Variants in FAM193B observed in about 807,000 individuals in gnomAD.
The protein encoded by FAM193B is family with sequence similarity 193 member B, also known as protein FAM193B.
A neutral mutation model predicts 70.7 loss-of-function variants in FAM193B; 27 were observed. The ratio of observed to expected loss-of-function variants is 0.38; its 90% CI spans 0.28 to 0.53. The LOEUF is 0.53. Among genes scored for constraint, FAM193B ranks in the 20% least tolerant of loss-of-function variants. The pLI is 0.81. For synonymous variants in FAM193B, 448 were observed against 436.0 expected (o/e 1.03, Z -0.34); for missense variants, 1,022 against 1,072.5 (o/e 0.95, Z 0.66).
In FAM193B at chr5:177,538,030, T is replaced by G. The variant is rs561929928; in HGVS notation, c.531A>C (p.Ser177=). 3 of 1,554,262 alleles carry G rather than the reference T, an allele frequency of 1.9e-6. No homozygotes were observed. The highest frequency in any genetic ancestry group is 2.6e-6 in the Non-Finnish European group (3 of 1,148,372). The change falls in exon 3 of 9, where the codon TCA becomes TCC. Residue 177 remains serine, a synonymous_variant. Coordinates refer to ENST00000514747, the MANE Select transcript of FAM193B (RefSeq NM_001190946.3). The surrounding 1 kb of genome is among the most constrained non-coding windows in gnomAD (Gnocchi z 4.1). ...DSHSSSSSSS[S]SSSSSSSSCP... ...AGGAAGAGGAGGACGAGGATGAGGATGATGAGGAGGAAGACGAGGACGAAT... is the reference window on the plus strand; with the variant it reads ...AGGAAGAGGAGGACGAGGATGAGGAGGATGAGGAGGAAGACGAGGACGAAT...
Position 177,524,550 on chromosome 5 carries a change from G to C in FAM193B, c.1931C>G (p.Ala644Gly). Reference protein sequence around the residue: ...PQKGKRQGSQAKKSEASPAPR... With the variant: ...PQKGKRQGSQGKKSEASPAPR... ...GGCTGGGCTTGCCTCGCTCTTCTTGGCCTGACTGCCCTGCCTCTTGCCCTT... is the reference window on the plus strand; with the variant it reads ...GGCTGGGCTTGCCTCGCTCTTCTTGCCCTGACTGCCCTGCCTCTTGCCCTT... The change falls in exon 6 of 9, where the codon GCC (alanine) becomes GGC (glycine). Residue 644 changes from alanine (A) to glycine (G), a missense_variant. By Grantham distance (60) the Ala-to-Gly change is moderately conservative (BLOSUM62 0). Transcript: ENST00000514747. 6.2e-7 allele frequency: 1 copy of C among 1,611,044 alleles called. No homozygotes were observed. The highest frequency in any genetic ancestry group is 8.5e-7 in the Non-Finnish European group (1 of 1,178,726).
chr5:177,554,105 G>A (rs1164165589), intron 1 of FAM193B, 144 bp downstream of exon 1: 8 of 1,399,090 alleles, frequency 5.7e-6, no homozygotes, highest in Non-Finnish European at 7.5e-6. Flanking sequence ...CGCCCCGGGG[G>A]AGAAAGCTTC....
At chr5:177,552,357 G>C (rs1027801067) in intron 1 of FAM193B, among the ~76,000 whole-genome samples, 4 of 152,216 alleles carry the variant, frequency 2.6e-5, no homozygotes, top group Non-Finnish European at 5.9e-5. Context: ...TAAAGTGCCT[G>C]GCACAAATAA....
chr5:177,543,842 T>A (rs958870074), intron 1 of FAM193B, among the ~76,000 whole-genome samples: 2 of 152,264 alleles, frequency 1.3e-5, no homozygotes, highest in African/African-American at 4.8e-5. Flanking sequence ...CAAGCTGTAC[T>A]TTTAGCACCT....
intron 1 of FAM193B, among the ~76,000 whole-genome samples, chr5:177,547,698 T>C (rs1765635354): frequency 6.6e-6 from 1 of 152,216 alleles, no homozygotes; most frequent in Non-Finnish European, 1.5e-5. Flanking sequence ...ACCTTCAGTG[T>C]TTGCAGTTCC....
intron 1 of FAM193B, among the ~76,000 whole-genome samples, chr5:177,547,810 GGAAAT>G (rs1765645736): frequency 6.6e-6 from 1 of 152,152 alleles, no homozygotes; most frequent in African/African-American, 2.4e-5. Flanking sequence ...GCATGGAGGG[GGAAAT>G]AATAAAGGGA....
intron 3 of FAM193B, among the ~76,000 whole-genome samples, chr5:177,537,558 TCTAAGTC>T (rs1487369602): frequency 4.6e-5 from 7 of 152,194 alleles, no homozygotes; most frequent in African/African-American, 1.2e-4. Context: ...GGTCAGGTGA[TCTAAGTC>T]CTATGACTCC....
In FAM193B at chr5:177,554,309, C is replaced by A. The variant is rs754623199; in HGVS notation, c.150G>T (p.Ala50=). The A allele has an allele frequency of 1.5e-6, 2 of 1,350,528 alleles. No individual in the cohort carries two copies. The highest frequency in any genetic ancestry group is 3.4e-5 in the South Asian group (2 of 59,050). The allele number at this position is 1,350,528 out of a possible 1,614,324, so 83.7% of individuals were successfully genotyped here. A position where few individuals can be genotyped will look rare whatever the true frequency, so the allele number is the denominator to read the frequency against. Residue 50 remains alanine (A), a synonymous_variant, in exon 1 of 9, where the codon GCG becomes GCT. Coordinates refer to ENST00000514747, the MANE Select transcript of FAM193B (RefSeq NM_001190946.3). ...CCCTGGGGCCGTCGTGGTCGGGCTCCGCCGGCGCCTCCGGAGGGCCTGCAC... is the reference window on the plus strand; with the variant it reads ...CCCTGGGGCCGTCGTGGTCGGGCTCAGCCGGCGCCTCCGGAGGGCCTGCAC... The part of the protein sequence containing the change: ...GAGAGPPEAP[A]EPDHDGPRED...
In FAM193B at chr5:177,539,142, G is replaced by C. The variant is rs967474962; in HGVS notation, c.216C>G (p.Pro72=). The change falls in exon 2 of 9, where the codon CCC becomes CCG. Residue 72 remains proline (P), a synonymous_variant. Transcript: ENST00000514747. The part of the protein sequence containing the change: ...EPNLVPGPQV[P]PASSQPVQTC... ...TCTGCACAGGCTGGCTGGAGGCGGG[G>C]GGGACCTGTCCAACAGACAGAAACA... is the stretch of plus-strand genomic sequence containing the variant. The C allele has an allele frequency of 2.6e-6, 4 of 1,564,948 alleles. No homozygotes were observed. In the African/African-American group the frequency reaches 4.1e-5, roughly 16 times the overall value.
chr5:177,549,271 C>A (rs979831493), intron 1 of FAM193B, among the ~76,000 whole-genome samples: 1 of 145,798 alleles, frequency 6.9e-6, no homozygotes, highest in Admixed American at 7.1e-5. Flanking sequence ...TGGCTCACTG[C>A]AAGCTCCACC....
intron 5 of FAM193B, among the ~76,000 whole-genome samples, chr5:177,529,452 CTG>C (rs747779843): frequency 2.0e-5 from 3 of 152,072 alleles, no homozygotes; most frequent in Non-Finnish European, 4.4e-5. Flanking sequence ...CACGCTGCCA[CTG>C]TGTGTCTGTC....
intron 7 of FAM193B, among the ~76,000 whole-genome samples, chr5:177,523,631 T>C (rs1399927886): frequency 1.3e-5 from 2 of 152,264 alleles, no homozygotes; most frequent in African/African-American, 4.8e-5. Flanking sequence ...TGGTCTAGAC[T>C]GCTTCATTGA....
In FAM193B at chr5:177,539,033, G is replaced by A. The variant is rs1179425698; in HGVS notation, c.325C>T (p.Leu109=). The A allele has an allele frequency of 6.2e-7, 1 of 1,614,050 alleles. No individual in the cohort carries two copies. The highest frequency in any genetic ancestry group is 1.1e-5 in the South Asian group (1 of 91,084). Reference sequence around the variant, plus strand: ...AGCTTTGGCATGAAGTCAGGGGGCAGCTTCTCACCCTGCAACACCAGTCCA... The same window carrying A: ...AGCTTTGGCATGAAGTCAGGGGGCAACTTCTCACCCTGCAACACCAGTCCA... ...QNGLVLQGEK[L]PPDFMPKLVK... Residue 109 remains leucine, a synonymous_variant, in exon 2 of 9, where the codon CTG becomes TTG. Coordinates refer to ENST00000514747, the MANE Select transcript of FAM193B (RefSeq NM_001190946.3).
intron 5 of FAM193B, among the ~76,000 whole-genome samples, chr5:177,530,238 T>A (rs1164466121): frequency 1.3e-5 from 2 of 152,218 alleles, no homozygotes; most frequent in Non-Finnish European, 2.9e-5. Flanking sequence ...TTCATTCCCC[T>A]GGCTTCAATT....
rs550002554 is a variant in FAM193B at position 177,538,027 on chromosome 5, G to A, written c.534C>T (p.Ser178=). ...SHSSSSSSSS[S]SSSSSSSCPG... ...GGCAGGAAGAGGAGGACGAGGATGA[G>A]GATGATGAGGAGGAAGACGAGGACG... is the stretch of plus-strand genomic sequence containing the variant. Residue 178 remains serine, a synonymous_variant, in exon 3 of 9, where the codon TCC becomes TCT. Coordinates refer to ENST00000514747, the MANE Select transcript of FAM193B (RefSeq NM_001190946.3). This position sits in a 1 kb window ranked among gnomAD's most constrained non-coding sequence, Gnocchi z 4.1. The A allele has an allele frequency of 3.2e-5, 49 of 1,554,674 alleles. No homozygotes were observed. The East Asian group carries it at 1.2e-3, about 38-fold the overall frequency.
intron 1 of FAM193B, among the ~76,000 whole-genome samples, chr5:177,541,686 T>G (rs1764885764): frequency 6.6e-6 from 1 of 152,180 alleles, no homozygotes; most frequent in African/African-American, 2.4e-5. Context: ...CCCAAAGTAC[T>G]AGGATTACAG....
chr5:177,546,675 C>A (rs1282172804), intron 1 of FAM193B, among the ~76,000 whole-genome samples: 1 of 152,288 alleles, frequency 6.6e-6, no homozygotes, highest in South Asian at 2.1e-4. Flanking sequence ...GAGCTGTTAC[C>A]CAAACTTCCA....
At chr5:177,553,825 G>A (rs1279254885) in intron 1 of FAM193B, 1 of 1,283,686 alleles carries the variant, frequency 7.8e-7, no homozygotes, top group African/African-American at 1.5e-5. Flanking sequence ...GAGTGGAGCC[G>A]TTCCCGGGGG....
intron 1 of FAM193B, chr5:177,553,605 G>A (rs1663940649): frequency 6.6e-6 from 8 of 1,212,934 alleles, no homozygotes; most frequent in Non-Finnish European, 8.4e-6. Context: ...CTCCAAACCT[G>A]GGATCTCAAG....
Sources: allele counts gnomAD v4.1 joint callset (sites outside exome capture counted in the v4.1 genomes callset), GRCh38; gene constraint gnomAD v4.1.1; non-coding constraint Gnocchi (gnomAD v3.1); transcripts MANE v1.5; gene names NCBI Gene and HGNC (gene_info 2026-07-23, HGNC 2026-07-21).